Variants in SHISA9 observed in about 807,000 individuals in gnomAD.
SHISA9 encodes the protein protein shisa-9.
A neutral mutation model predicts 38.0 loss-of-function variants in SHISA9; 13 were observed. The ratio of observed to expected loss-of-function variants is 0.34; its 90% CI spans 0.22 to 0.54. SHISA9 has a LOEUF of 0.54. Ranked by LOEUF, SHISA9 falls within the 20% of genes least tolerant of loss-of-function variation. SHISA9 has a pLI of 0.91. For synonymous variants in SHISA9, 275 were observed against 242.0 expected (o/e 1.14, Z -1.27); for missense variants, 538 against 575.8 (o/e 0.93, Z 0.67).
At chr16:13,558,519 C>G in the SHISA9 span, among the ~76,000 whole-genome samples, 1 of 152,146 alleles carries the variant, frequency 6.6e-6, no homozygotes, top group Non-Finnish European at 1.5e-5. Flanking sequence ...AATGCATAAC[C>G]TTGTTTTTTG....
intron 2 of SHISA9, among the ~76,000 whole-genome samples, chr16:13,000,639 C>T (rs969706326): frequency 5.9e-4 from 90 of 152,196 alleles, no homozygotes; most frequent in African/African-American, 2.0e-3. Context: ...AGAAGGGGTC[C>T]CCAGGAGCCT....
chr16:13,279,455 A>C, the SHISA9 span, among the ~76,000 whole-genome samples: 13 of 151,804 alleles, frequency 8.6e-5, no homozygotes, highest in Non-Finnish European at 4.4e-5. Context: ...GTTGACTTCA[A>C]AGTATTTACA....
the SHISA9 span, among the ~76,000 whole-genome samples, chr16:13,549,782 T>A: frequency 6.6e-6 from 1 of 152,192 alleles, no homozygotes; most frequent in Admixed American, 6.5e-5. Flanking sequence ...CTCAGCACTT[T>A]GGGCAGCCGA....
At chr16:13,165,184 C>T (rs1034395824) in intron 2 of SHISA9, among the ~76,000 whole-genome samples, 2 of 152,094 alleles carry the variant, frequency 1.3e-5, no homozygotes, top group African/African-American at 4.8e-5. Context: ...TATGCCTCCT[C>T]CTTTCTTCTC....
the SHISA9 span, among the ~76,000 whole-genome samples, chr16:13,377,222 C>T: frequency 6.6e-5 from 10 of 152,190 alleles, no homozygotes; most frequent in Admixed American, 3.9e-4. Flanking sequence ...GCCTTAGGGG[C>T]GGCATTCATG....
At chr16:13,112,750 C>A (rs1246223616) in intron 2 of SHISA9, among the ~76,000 whole-genome samples, 2 of 152,016 alleles carry the variant, frequency 1.3e-5, no homozygotes, top group Non-Finnish European at 2.9e-5. Context: ...CTTGGCATTG[C>A]CTTTCAGAGG....
At chr16:13,279,918 C>T in the SHISA9 span, among the ~76,000 whole-genome samples, 2 of 151,848 alleles carry the variant, frequency 1.3e-5, no homozygotes, top group East Asian at 1.9e-4. Flanking sequence ...TTTTTCAATA[C>T]ATACAAAGTA....
At chr16:13,546,214 G>C in the SHISA9 span, among the ~76,000 whole-genome samples, 4 of 110,420 alleles carry the variant, frequency 3.6e-5, no homozygotes, top group Non-Finnish European at 8.3e-5. Context: ...TACAACTTTA[G>C]TCCAAGCAAC....
At chr16:13,322,900 GAGGCTACC>G in the SHISA9 span, among the ~76,000 whole-genome samples, 1 of 152,100 alleles carries the variant, frequency 6.6e-6, no homozygotes, top group Non-Finnish European at 1.5e-5. Context: ...TAAAATCTAA[GAGGCTACC>G]AGTCATACTG....
At chr16:13,364,265 C>G in the SHISA9 span, among the ~76,000 whole-genome samples, 2 of 152,134 alleles carry the variant, frequency 1.3e-5, no homozygotes, top group East Asian at 1.9e-4. Flanking sequence ...AGACCAGAAT[C>G]TGGGGAAGGA....
the SHISA9 span, among the ~76,000 whole-genome samples, chr16:13,470,275 C>A: frequency 6.6e-6 from 1 of 152,178 alleles, no homozygotes; most frequent in East Asian, 1.9e-4. Flanking sequence ...AGTTTGCAAT[C>A]CAAGGTAGAG....
the SHISA9 span, among the ~76,000 whole-genome samples, chr16:13,531,712 T>A: frequency 1.4e-4 from 22 of 152,136 alleles, no homozygotes; most frequent in African/African-American, 5.3e-4. Flanking sequence ...GTATGAGCAA[T>A]CTCAAGTAAG....
chr16:13,325,283 C>G, the SHISA9 span, among the ~76,000 whole-genome samples: 1 of 152,178 alleles, frequency 6.6e-6, no homozygotes, highest in Non-Finnish European at 1.5e-5. Flanking sequence ...ATGACAGAGT[C>G]AGATTGCAAT....
the SHISA9 span, among the ~76,000 whole-genome samples, chr16:13,330,380 T>C: frequency 6.6e-6 from 1 of 152,202 alleles, no homozygotes; most frequent in African/African-American, 2.4e-5. Context: ...AACAAGATAA[T>C]ACCTGCCAAT....
At chr16:13,062,965 G>T (rs935494922) in intron 2 of SHISA9, among the ~76,000 whole-genome samples, 1 of 141,838 alleles carries the variant, frequency 7.1e-6, no homozygotes, top group Non-Finnish European at 1.6e-5. Flanking sequence ...GCTTTCGGAC[G>T]CATCCCTCAC....
the SHISA9 span, among the ~76,000 whole-genome samples, chr16:13,329,778 G>A: frequency 6.6e-6 from 1 of 152,182 alleles, no homozygotes; most frequent in Non-Finnish European, 1.5e-5. Context: ...TGAGCTAAAT[G>A]ATGGCTTATT....
the SHISA9 span, among the ~76,000 whole-genome samples, chr16:13,302,437 G>T: frequency 6.6e-6 from 1 of 152,156 alleles, no homozygotes; most frequent in Non-Finnish European, 1.5e-5. Context: ...TGCCCCAGGA[G>T]GAATAAATGG....
chr16:13,312,131 G>A, the SHISA9 span, among the ~76,000 whole-genome samples: 1 of 152,184 alleles, frequency 6.6e-6, no homozygotes. Flanking sequence ...TTTCTGTAAA[G>A]GGTCAGATAG....
chr16:13,394,930 T>TGG, the SHISA9 span, among the ~76,000 whole-genome samples: 1 of 92,112 alleles, frequency 1.1e-5, no homozygotes, highest in African/African-American at 5.7e-5. Flanking sequence ...GTATCTGGGG[T>TGG]GTGTGTGTGT....
Sources: gnomAD v4.1 joint callset for allele counts (sites outside exome capture counted in the v4.1 genomes callset) on GRCh38, gnomAD v4.1.1 for gene constraint, MANE v1.5 for transcripts, NCBI Gene and HGNC (gene_info 2026-07-23, HGNC 2026-07-21) for gene names.